Variants in PCP4L1 observed in about 807,000 individuals in gnomAD.
PCP4L1 encodes Purkinje cell protein 4 like 1, also known as Purkinje cell protein 4-like protein 1.
PCP4L1 carries 9 observed loss-of-function variants against 9.6 expected under a neutral mutation model. The ratio of observed to expected loss-of-function variants is 0.94; its 90% CI spans 0.57 to 1.64. The LOEUF (loss-of-function observed/expected upper bound fraction) is 1.64. Ranked by LOEUF, PCP4L1 falls within the 40% of genes most tolerant of loss-of-function variation. The pLI, the probability that PCP4L1 is intolerant of heterozygous loss-of-function variation, is 0.00. For missense variants in PCP4L1, 81 were observed against 80.8 expected (o/e 1.00, Z -0.01); for synonymous variants, 31 against 28.2 (o/e 1.10, Z -0.31).
intron 1 of PCP4L1, among the ~76,000 whole-genome samples, chr1:161,265,619 T>C (rs1189867225): frequency 6.6e-6 from 1 of 152,130 alleles, no homozygotes; most frequent in African/African-American, 2.4e-5. Flanking sequence ...TCAAGCATCC[T>C]GAGTGCATGA....
At chr1:161,265,175 G>A (rs2501879) in intron 1 of PCP4L1, among the ~76,000 whole-genome samples, 121,578 of 152,108 alleles carry the variant, frequency 0.8, 49,103 homozygotes, top group East Asian at 0.95. Context: ...CAGCCTCTGG[G>A]TATTCAGTCC....
intron 1 of PCP4L1, among the ~76,000 whole-genome samples, chr1:161,282,114 C>T (rs1351549989): frequency 2.0e-5 from 3 of 152,168 alleles, no homozygotes; most frequent in African/African-American, 4.8e-5. Context: ...ACTGAGTGAA[C>T]AAGACTCCGT....
At chr1:161,268,392 T>C (rs1669568739) in intron 1 of PCP4L1, among the ~76,000 whole-genome samples, 2 of 152,192 alleles carry the variant, frequency 1.3e-5, no homozygotes, top group Non-Finnish European at 2.9e-5. Context: ...GCAACTCCAC[T>C]CTCTGATTCT....
At chr1:161,267,100 G>C (rs1029358529) in intron 1 of PCP4L1, among the ~76,000 whole-genome samples, 1 of 152,136 alleles carries the variant, frequency 6.6e-6, no homozygotes, top group Non-Finnish European at 1.5e-5. Context: ...AGCTTAGGAA[G>C]CCTAGGATTT....
At chr1:161,265,223 C>T (rs1054042251) in intron 1 of PCP4L1, among the ~76,000 whole-genome samples, 4 of 152,098 alleles carry the variant, frequency 2.6e-5, no homozygotes, top group Admixed American at 2.6e-4. Context: ...GTCAGGAGTT[C>T]AAAGGCTTTG....
rs528433706 is a variant in PCP4L1 at position 161,283,733 on chromosome 1, T to C, written c.64+11T>C. ...GCCAAGAGGAAAAAGGTGAGTGGGG[T>C]TGGGCTAGGCAGTTTGTAGAGCAGG... On this transcript the variant is annotated intron_variant, in intron 2 of 2. Transcript: ENST00000504449. The C allele has an allele frequency of 9.4e-6, 15 of 1,602,884 alleles. No individual in the cohort carries two copies. The African/African-American group carries it at 1.5e-4, about 16-fold the overall frequency.
At position 161,259,025 on chromosome 1, in the gene PCP4L1, G is replaced by A. The variant is rs772733821; in HGVS notation, c.9+42G>A. 16 of 1,524,392 alleles carry A rather than the reference G, an allele frequency of 1.0e-5. No homozygotes were observed. The African/African-American group carries it at 1.9e-4, about 19-fold the overall frequency. The allele number at this position is 1,524,392 out of a possible 1,614,324, so 94.4% of individuals were successfully genotyped here. A position where few individuals can be genotyped will look rare whatever the true frequency, so the allele number is the denominator to read the frequency against. ...CCGGCGCTGTCGGCAGGGCTGCGGC[G>A]GGGAGGGTGCTGCGGCTCGGGATCC... On this transcript the variant is annotated intron_variant, in intron 1 of 2. Transcript: ENST00000504449.
intron 1 of PCP4L1, among the ~76,000 whole-genome samples, chr1:161,264,360 T>C (rs1669470727): frequency 6.6e-6 from 1 of 151,702 alleles, no homozygotes; most frequent in African/African-American, 2.4e-5. Context: ...CTATTAAAAC[T>C]ACAAAAATTA....
At chr1:161,259,131 C>T in intron 1 of PCP4L1, 148 bp downstream of exon 1, 3 of 1,222,620 alleles carry the variant, frequency 2.5e-6, no homozygotes, top group Non-Finnish European at 3.3e-6. Flanking sequence ...TAGGAAAGCT[C>T]CCACCTCGGG....
At chr1:161,269,432 A>G (rs750071256) in intron 1 of PCP4L1, among the ~76,000 whole-genome samples, 19 of 152,330 alleles carry the variant, frequency 1.2e-4, no homozygotes, top group Non-Finnish European at 7.3e-5. Flanking sequence ...TACAGAATGG[A>G]GGCCTTCAAC....
At chr1:161,259,839 C>G (rs748512845) in intron 1 of PCP4L1, among the ~76,000 whole-genome samples, 47 of 152,320 alleles carry the variant, frequency 3.1e-4, no homozygotes, top group Middle Eastern at 3.4e-3. Flanking sequence ...TTCCTAGTAC[C>G]CACATCGTTG....
chr1:161,265,255 A>T, intron 1 of PCP4L1, among the ~76,000 whole-genome samples: 1 of 152,078 alleles, frequency 6.6e-6, no homozygotes, highest in East Asian at 1.9e-4. Flanking sequence ...GTAAGGCCAG[A>T]TGTGATGGCT....
At chr1:161,266,648 A>AT (rs1440481032) in intron 1 of PCP4L1, among the ~76,000 whole-genome samples, 2 of 152,030 alleles carry the variant, frequency 1.3e-5, no homozygotes, top group Non-Finnish European at 2.9e-5. Flanking sequence ...TTTAGGTTCT[A>AT]TTTTTGTCTC....
intron 1 of PCP4L1, among the ~76,000 whole-genome samples, chr1:161,282,795 T>G (rs539692160): frequency 2.0e-5 from 3 of 152,240 alleles, no homozygotes; most frequent in South Asian, 2.1e-4. Context: ...CCTTGACCCC[T>G]CTCTTTCTCA....
At chr1:161,271,101 G>A (rs1049866936) in intron 1 of PCP4L1, among the ~76,000 whole-genome samples, 1 of 152,190 alleles carries the variant, frequency 6.6e-6, no homozygotes, top group African/African-American at 2.4e-5. Flanking sequence ...ACTAGCAATA[G>A]GATTGCTGGT....
intron 1 of PCP4L1, among the ~76,000 whole-genome samples, chr1:161,282,927 G>C (rs1669847958): frequency 6.6e-6 from 1 of 151,942 alleles, no homozygotes; most frequent in Non-Finnish European, 1.5e-5. Flanking sequence ...CTCTTGCTTG[G>C]TTTTCTGCAA....
At chr1:161,259,005 G>C (rs1228117535) in intron 1 of PCP4L1, 22 bp downstream of exon 1, 3 of 1,530,524 alleles carry the variant, frequency 2.0e-6, no homozygotes, top group Non-Finnish European at 1.7e-6. Context: ...GGCCCCCGGC[G>C]CTGTCGGCAG....
chr1:161,270,187 C>T (rs567246784), intron 1 of PCP4L1, among the ~76,000 whole-genome samples: 2 of 151,886 alleles, frequency 1.3e-5, no homozygotes, highest in African/African-American at 4.8e-5. Flanking sequence ...ATCCCGGCTA[C>T]TCGGGAGGCT....
At position 161,258,784 on chromosome 1, in the gene PCP4L1, C is replaced by A. The variant is rs1558139828; in HGVS notation, c.-191C>A. 4.5e-6 allele frequency: 4 copies of A among 893,698 alleles called. No individual in the cohort carries two copies. Among genetic ancestry groups the A allele is most frequent in the Admixed American group, 4.5e-5 (2 of 44,016 alleles). The allele number at this position is 893,698 out of a possible 1,614,324, so 55.4% of individuals were successfully genotyped here. A position where few individuals can be genotyped will look rare whatever the true frequency, so the allele number is the denominator to read the frequency against. On this transcript the variant is annotated 5_prime_UTR_variant, in exon 1 of 3. Transcript: ENST00000504449. ...GGACGGGTCGCAGGGGGTCGCCTGGCCGGAGCTGGGCTCCGAGAATCCCGG... is the reference window on the plus strand; with the variant it reads ...GGACGGGTCGCAGGGGGTCGCCTGGACGGAGCTGGGCTCCGAGAATCCCGG...
Sources: allele counts gnomAD v4.1 joint callset (sites outside exome capture counted in the v4.1 genomes callset), GRCh38; gene constraint gnomAD v4.1.1; transcripts MANE v1.5; gene names NCBI Gene and HGNC (gene_info 2026-07-23, HGNC 2026-07-21).